Variants in FUOM observed in about 807,000 individuals in gnomAD.
FUOM encodes the protein fucose mutarotase.
In FUOM, 19 loss-of-function variants were observed where a neutral mutation model predicts 18.3. That is an observed-to-expected ratio of 1.04 (90% confidence interval 0.73 to 1.53). The LOEUF (loss-of-function observed/expected upper bound fraction) is 1.53, where lower values mean the gene tolerates loss of function less well. FUOM is among the 40% of genes most tolerant of loss of function. The pLI is 0.00. For synonymous variants in FUOM, 102 were observed against 87.9 expected, an observed-to-expected ratio of 1.16 and a Z score of -0.90; for missense variants, 210 against 200.9, an observed-to-expected ratio of 1.04 and a Z score of -0.27.
chr10:133,355,351 C>G lies in FUOM; in HGVS notation c.*19G>C. The G allele has an allele frequency of 6.3e-7, 1 of 1,590,632 alleles. No homozygotes were observed. ...GGTGCCCCCAGTTCCTCTTCCGGCCCAGGTGGTCTTCACCAGGCCTACAGC... is the reference window on the plus strand; with the variant it reads ...GGTGCCCCCAGTTCCTCTTCCGGCCGAGGTGGTCTTCACCAGGCCTACAGC... On this transcript the variant is annotated 3_prime_UTR_variant, in exon 6 of 6. Coordinates refer to ENST00000278025, the MANE Select transcript of FUOM (RefSeq NM_001098483.3).
At chr10:133,357,315 G>T (rs1175800550) in intron 1 of FUOM, 60 bp from the exon 2 acceptor site, 4 of 1,491,114 alleles carry the variant, frequency 2.7e-6, no homozygotes, top group Non-Finnish European at 3.7e-6. Flanking sequence ...GGTCGGCGCC[G>T]CCCGTCCTCC....
chr10:133,355,655 C>G (rs1055845102), intron 5 of FUOM, 83 bp downstream of exon 5: 1 of 1,554,312 alleles, frequency 6.4e-7, no homozygotes, highest in African/African-American at 1.4e-5. Flanking sequence ...GTAGGGGCAG[C>G]TCCTGAGGCC....
chr10:133,355,710 G>T, intron 5 of FUOM, 28 bp downstream of exon 5: 1 of 1,609,284 alleles, frequency 6.2e-7, no homozygotes, highest in Non-Finnish European at 8.5e-7. Flanking sequence ...AGTGGGGATG[G>T]GGCAGGTCTG....
downstream of FUOM, among the ~76,000 whole-genome samples, chr10:133,352,964 G>A (rs1335953197): frequency 6.6e-6 from 1 of 152,234 alleles, no homozygotes; most frequent in Non-Finnish European, 1.5e-5. Context: ...TTGGCTCCCA[G>A]AAGGTTGCAC....
downstream of FUOM, among the ~76,000 whole-genome samples, chr10:133,352,849 A>G (rs2133408904): frequency 6.6e-6 from 1 of 152,128 alleles, no homozygotes; most frequent in Middle Eastern, 3.4e-3. Flanking sequence ...CAATCAATCA[A>G]CCCCTGCAAA....
rs1848840764 is a variant in FUOM, at chr10:133,357,310, G to A, written c.86-55C>T. The A allele has an allele frequency of 2.0e-6, 3 of 1,516,938 alleles. No homozygotes were observed. The South Asian group carries it at 3.6e-5, about 18-fold the overall frequency. 94.0% of individuals were successfully genotyped at this position (1,516,938 alleles called of 1,614,324 possible). A position where few individuals can be genotyped will look rare whatever the true frequency, so the allele number is the denominator to read the frequency against. On this transcript the variant is annotated intron_variant, in intron 1 of 5. Transcript: ENST00000278025. The stretch of plus-strand genomic sequence containing the variant: ...GCACCTATCCCTGCCCTCGGGGTCG[G>A]CGCCGCCCGTCCTCCCACCCAGTCA...
At position 133,355,253 on chromosome 10, in the gene FUOM, G is replaced by C. The variant is rs1057097; in HGVS notation, c.*117C>G. On this transcript the variant is annotated 3_prime_UTR_variant, in exon 6 of 6. Transcript: ENST00000278025. ...CCCACCCCAAGACTGCCGGCCCCTA[G>C]AGCCCTGGCCAGGGCCCAGGTCTGG... The C allele has an allele frequency of 8.3e-7, 1 of 1,199,054 alleles. No homozygotes were observed. Among genetic ancestry groups the C allele is most frequent in the Non-Finnish European group, 1.1e-6 (1 of 876,544 alleles). The allele number at this position is 1,199,054 out of a possible 1,614,324, so 74.3% of individuals were successfully genotyped here.
In FUOM at chr10:133,355,209, C is replaced by T. The variant is rs1848746436; in HGVS notation, c.*161G>A. On this transcript the variant is annotated 3_prime_UTR_variant, in exon 6 of 6. Coordinates refer to ENST00000278025, the MANE Select transcript of FUOM (RefSeq NM_001098483.3). Reference sequence around the variant, plus strand: ...CCATCATTTTCACAAATCAGGGATACTCGTCCCAATTGGCAGGGCCCACCC... The same window carrying T: ...CCATCATTTTCACAAATCAGGGATATTCGTCCCAATTGGCAGGGCCCACCC... The T allele has an allele frequency of 1.5e-6, 1 of 683,010 alleles. No homozygotes were observed. The highest frequency in any genetic ancestry group is 1.8e-5 in the African/African-American group (1 of 55,426). 42.3% of individuals were successfully genotyped at this position (683,010 alleles called of 1,614,324 possible).
In FUOM at chr10:133,355,196, CA is replaced by C; in HGVS notation, c.*173del. 1 of 653,148 alleles carries C rather than the reference CA, an allele frequency of 1.5e-6. No individual in the cohort carries two copies. The allele number at this position is 653,148 out of a possible 1,614,324, so 40.5% of individuals were successfully genotyped here. ...ACTGAACGTTTTTCCATCATTTTCA[CA>C]AATCAGGGATACTCGTCCCAATTGG... On this transcript the variant is annotated 3_prime_UTR_variant, in exon 6 of 6. Coordinates refer to ENST00000278025, the MANE Select transcript of FUOM (RefSeq NM_001098483.3).
downstream of FUOM, among the ~76,000 whole-genome samples, chr10:133,353,437 C>T (rs1047158564): frequency 1.3e-5 from 2 of 152,188 alleles, no homozygotes; most frequent in Non-Finnish European, 2.9e-5. Flanking sequence ...AGAGAAGCAC[C>T]TGGTGCCAAG....
Position 133,356,929 on chromosome 10 carries a change from G to C in FUOM, c.225+14C>G, listed in dbSNP as rs1458456765. ...GCACGGAGCAGCAGGGTGCAGGGGC[G>C]ACTCAGCCCTCACCGGACTCTCCAC... On this transcript the variant is annotated intron_variant, in intron 3 of 5. Transcript: ENST00000278025. The C allele has an allele frequency of 6.5e-7, 1 of 1,549,578 alleles. No homozygotes were observed. Among genetic ancestry groups the C allele is most frequent in the Admixed American group, 2.0e-5 (1 of 51,004 alleles).
downstream of FUOM, among the ~76,000 whole-genome samples, chr10:133,354,388 C>T (rs914769122): frequency 1.3e-5 from 2 of 152,170 alleles, no homozygotes; most frequent in African/African-American, 2.4e-5. Flanking sequence ...GGCTTGCCTG[C>T]ACCCCCAAGG....
In FUOM at chr10:133,355,199, A is replaced by G; in HGVS notation, c.*171T>C. 1.5e-6 allele frequency: 1 copy of G among 657,624 alleles called. No individual in the cohort carries two copies. The allele number at this position is 657,624 out of a possible 1,614,324, so 40.7% of individuals were successfully genotyped here. ...GAACGTTTTTCCATCATTTTCACAA[A>G]TCAGGGATACTCGTCCCAATTGGCA... is the stretch of plus-strand genomic sequence containing the variant. On this transcript the variant is annotated 3_prime_UTR_variant, in exon 6 of 6. Coordinates refer to ENST00000278025, the MANE Select transcript of FUOM (RefSeq NM_001098483.3).
At position 133,356,949 on chromosome 10, in the gene FUOM, C is replaced by T. The variant is rs976239985; in HGVS notation, c.219G>A (p.Glu73=). ...GGGGCGACTCAGCCCTCACCGGACT[C>T]TCCACATAGGTGTCCAGGGGCAGCA... ...LKLLPLDTYV[E]SPAAVMELVP... The change falls in exon 3 of 6, where the codon GAG becomes GAA. Residue 73 remains glutamate, a synonymous_variant. Coordinates refer to ENST00000278025, the MANE Select transcript of FUOM (RefSeq NM_001098483.3). The T allele has an allele frequency of 5.8e-6, 9 of 1,550,310 alleles. No individual in the cohort carries two copies. The highest frequency in any genetic ancestry group is 4.1e-5 in the African/African-American group (3 of 73,192).
chr10:133,355,512 G>A (rs1190631911), intron 5 of FUOM, 76 bp from the exon 6 acceptor site: 4 of 1,606,226 alleles, frequency 2.5e-6, no homozygotes, highest in African/African-American at 1.3e-5. Context: ...GCATCTGGGG[G>A]ACAGAGCAGA....
At position 133,356,936 on chromosome 10, in the gene FUOM, C is replaced by T; in HGVS notation, c.225+7G>A. ...GCAGCAGGGTGCAGGGGCGACTCAG[C>T]CCTCACCGGACTCTCCACATAGGTG... On this transcript the variant is annotated splice_region_variant and intron_variant, in intron 3 of 5. Transcript: ENST00000278025. 6.5e-7 allele frequency: 1 copy of T among 1,550,006 alleles called. No homozygotes were observed. The highest frequency in any genetic ancestry group is 8.7e-7 in the Non-Finnish European group (1 of 1,146,734).
chr10:133,355,830 G>T lies in FUOM; in HGVS notation c.325-19C>A. On this transcript the variant is annotated intron_variant, in intron 4 of 5. Transcript: ENST00000278025. ...GGGCTCTCTGGAAGACAAAATGGCA[G>T]GGTTGGAGGGAACCCTGCCAAGAAA... is the stretch of plus-strand genomic sequence containing the variant. 1 of 1,606,944 alleles carries T rather than the reference G, an allele frequency of 6.2e-7. No homozygotes were observed. The highest frequency in any genetic ancestry group is 8.5e-7 in the Non-Finnish European group (1 of 1,174,590).
chr10:133,357,973 G>A lies in FUOM; in HGVS notation c.35C>T (p.Ser12Phe). 3 of 1,521,984 alleles carry A rather than the reference G, an allele frequency of 2.0e-6. No individual in the cohort carries two copies. The highest frequency in any genetic ancestry group is 2.4e-5 in the South Asian group (2 of 82,172). 94.3% of individuals were successfully genotyped at this position (1,521,984 alleles called of 1,614,324 possible). Residue 12 changes from serine (S) to phenylalanine (F), a missense_variant, in exon 1 of 6, where the codon TCC becomes TTC. By Grantham distance (155) the Ser-to-Phe change is radical. Coordinates refer to ENST00000278025, the MANE Select transcript of FUOM (RefSeq NM_001098483.3). ...VALKGVPALLSPELLYALARM... is the reference protein window; with the variant it reads ...VALKGVPALLFPELLYALARM... ...CGCCAGCGCGTAGAGCAGCTCGGGG[G>A]ACAGCAGTGCGGGGACACCCTTCAG...
Position 133,357,249 on chromosome 10 carries a change from G to T in FUOM, c.92C>A (p.Ala31Glu). The T allele has an allele frequency of 1.3e-6, 2 of 1,577,904 alleles. No homozygotes were observed. The highest frequency in any genetic ancestry group is 1.7e-6 in the Non-Finnish European group (2 of 1,162,956). The change falls in exon 2 of 6, where the codon GCG (alanine) becomes GAG (glutamate). Residue 31 changes from alanine to glutamate, a missense_variant. Coordinates refer to ENST00000278025, the MANE Select transcript of FUOM (RefSeq NM_001098483.3). ...GGAGGAGGCCGGGAAGTTCAAGTCC[G>T]CAAGAACTAAACAGCCGGGAGGACA... ...RMGHGDEIVLADLNFPASSIC... is the reference protein window; with the variant it reads ...RMGHGDEIVLEDLNFPASSIC...
Sources: gnomAD v4.1 joint callset for allele counts (sites outside exome capture counted in the v4.1 genomes callset) on GRCh38, gnomAD v4.1.1 for gene constraint, MANE v1.5 for transcripts, NCBI Gene and HGNC (gene_info 2026-07-23, HGNC 2026-07-21) for gene names.